The following DNAAF9 variants were observed in gnomAD, a reference collection of about 807,000 sequenced individuals.
DNAAF9 encodes shulin.
In DNAAF9, 90 loss-of-function variants were observed where a neutral mutation model predicts 167.0. The ratio of observed to expected loss-of-function variants is 0.54; its 90% CI spans 0.45 to 0.64. The LOEUF (loss-of-function observed/expected upper bound fraction) is 0.64. Among genes scored for constraint, DNAAF9 ranks in the 30% least tolerant of loss-of-function variants. DNAAF9 has a pLI of 0.00. For synonymous variants in DNAAF9, 491 were observed against 508.8 expected (o/e 0.96, Z 0.47); for missense variants, 1,315 against 1,442.2 (o/e 0.91, Z 1.43).
chr20:3,290,773 G>A (rs565219741), intron 25 of DNAAF9, among the ~76,000 whole-genome samples: 2 of 149,688 alleles, frequency 1.3e-5, no homozygotes, highest in South Asian at 2.1e-4. Flanking sequence ...CAAGTCACAC[G>A]GTCAGGGCTA....
At chr20:3,303,048 C>T (rs900276843) in intron 21 of DNAAF9, among the ~76,000 whole-genome samples, 4 of 152,078 alleles carry the variant, frequency 2.6e-5, no homozygotes, top group African/African-American at 9.7e-5. Flanking sequence ...ACTGTCCTGG[C>T]TAACATAGTG....
chr20:3,278,761 T>TATGGTA (rs1338756727), intron 29 of DNAAF9, 151 bp downstream of exon 29: 10 of 738,700 alleles, frequency 1.4e-5, no homozygotes, highest in African/African-American at 3.5e-5. Flanking sequence ...GCCTATCAAA[T>TATGGTA]ATGGTAAAAG....
chr20:3,330,921 A>T (rs2069816489), intron 11 of DNAAF9, among the ~76,000 whole-genome samples: 1 of 151,466 alleles, frequency 6.6e-6, no homozygotes, highest in Non-Finnish European at 1.5e-5. Context: ...CCTCCTGAGT[A>T]GCTGGGATTA....
At chr20:3,320,472 C>T (rs937054539) in intron 16 of DNAAF9, among the ~76,000 whole-genome samples, 4 of 152,196 alleles carry the variant, frequency 2.6e-5, no homozygotes, top group Non-Finnish European at 5.9e-5. Flanking sequence ...GATTCCTAAT[C>T]ACCTGCTACT....
At chr20:3,332,731 T>C (rs1310855310) in intron 10 of DNAAF9, among the ~76,000 whole-genome samples, 6 of 152,078 alleles carry the variant, frequency 3.9e-5, no homozygotes, top group Admixed American at 3.9e-4. Flanking sequence ...CCCAAAGTGC[T>C]GAGATTACAG....
chr20:3,399,882 G>A (rs897135014), intron 1 of DNAAF9, among the ~76,000 whole-genome samples: 4 of 152,062 alleles, frequency 2.6e-5, no homozygotes, highest in Admixed American at 6.6e-5. Flanking sequence ...TAAGCATCTC[G>A]CCAGCTGCCA....
At chr20:3,351,039 A>G (rs984524358) in intron 7 of DNAAF9, among the ~76,000 whole-genome samples, 1 of 152,200 alleles carries the variant, frequency 6.6e-6, no homozygotes, top group Non-Finnish European at 1.5e-5. Flanking sequence ...ATTAGACATT[A>G]TGTGCTTCTT....
intron 6 of DNAAF9, among the ~76,000 whole-genome samples, chr20:3,368,399 G>T (rs1039718332): frequency 5.9e-5 from 9 of 152,008 alleles, no homozygotes; most frequent in African/African-American, 1.7e-4. Flanking sequence ...GTTTTGGGGG[G>T]CTTTTGTTGG....
chr20:3,340,440 A>ACCC, intron 10 of DNAAF9, 64 bp downstream of exon 10: 3 of 124,214 alleles, frequency 2.4e-5, no homozygotes, highest in Admixed American at 1.0e-4. Context: ...AGCTCCCCCC[A>ACCC]CCCACCCCAC....
intron 7 of DNAAF9, among the ~76,000 whole-genome samples, chr20:3,349,205 A>AAAAAAAAAAAAAAAC (rs2070261303): frequency 3.4e-5 from 2 of 59,220 alleles, no homozygotes; most frequent in African/African-American, 1.5e-4. Context: ...AAAAAAAAAC[A>AAAAAAAAAAAAAAAC]AAAAAAAAAA....
chr20:3,332,444 T>A (rs2069847908), intron 10 of DNAAF9, 83 bp from the exon 11 acceptor site: 1 of 697,422 alleles, frequency 1.4e-6, no homozygotes, highest in Admixed American at 2.6e-5. Context: ...ATAGAGTCAA[T>A]GGAAATAAAT....
chr20:3,298,166 T>C lies in DNAAF9; in HGVS notation c.1792A>G (p.Ser598Gly). The C allele has an allele frequency of 6.2e-7, 1 of 1,613,266 alleles. No homozygotes were observed. Among genetic ancestry groups the C allele is most frequent in the Non-Finnish European group, 8.5e-7 (1 of 1,179,658 alleles). The change falls in exon 22 of 37, where the codon AGT becomes GGT. Residue 598 changes from serine (S) to glycine (G), a missense_variant. Around this residue, in one of 2 missense-constraint regions of DNAAF9, gnomAD observed 981 missense variants for 1,012.5 expected, o/e 0.97. Transcript: ENST00000252032. ...TCTATGAGAAGAGCAGCAACAGTAC[T>C]GGTGGAATCCTAAAGCGAAAAGGAG... ...SISFYDGDSTSTVAALLIDFK... is the reference protein window; with the variant it reads ...SISFYDGDSTGTVAALLIDFK...
chr20:3,332,211 C>A (rs2069842281), intron 11 of DNAAF9, 69 bp downstream of exon 11: 1 of 843,060 alleles, frequency 1.2e-6, no homozygotes, highest in South Asian at 1.5e-5. Context: ...AATTGTATGT[C>A]AACTTCTAGT....
chr20:3,336,252 G>GTTATTTTTTTTTTTTTT (rs2069940627), intron 10 of DNAAF9, among the ~76,000 whole-genome samples: 1 of 81,444 alleles, frequency 1.2e-5, no homozygotes, highest in African/African-American at 5.1e-5. Context: ...ACAGTTTTGC[G>GTTATTTTTTTTTTTTTT]TTTTTGTTTT....
At chr20:3,384,653 C>A (rs2083708761) in intron 1 of DNAAF9, among the ~76,000 whole-genome samples, 1 of 151,690 alleles carries the variant, frequency 6.6e-6, no homozygotes, top group East Asian at 1.9e-4. Flanking sequence ...GGATTACAGG[C>A]ATGCACTACC....
chr20:3,383,521 T>C (rs2083692323), intron 1 of DNAAF9, among the ~76,000 whole-genome samples: 1 of 151,772 alleles, frequency 6.6e-6, no homozygotes, highest in South Asian at 2.1e-4. Context: ...GTCCGCCTCA[T>C]GCCTTACAGG....
chr20:3,270,808 CTATCT>C (rs1440823222), intron 29 of DNAAF9, among the ~76,000 whole-genome samples: 1 of 137,090 alleles, frequency 7.3e-6, no homozygotes, highest in Non-Finnish European at 1.5e-5. Context: ...CTAACTTCCT[CTATCT>C]TTTTTTTTTT....
Position 3,381,405 on chromosome 20 carries a change from G to A in DNAAF9, c.257C>T (p.Thr86Met), listed in dbSNP as rs8124486. ...YNQNTSDFEK[T>M]GFSEEVLDDV... ...ATCTAGTACTTCTTCAGAAAATCCC[G>A]TTTTCTCAAAATCACTGGTATTCTG... The change falls in exon 3 of 37, where the codon ACG becomes ATG. Residue 86 changes from threonine (T) to methionine (M), a missense_variant. Coordinates refer to ENST00000252032, the MANE Select transcript of DNAAF9 (RefSeq NM_001009984.3). The A allele has an allele frequency of 6.8e-6, 11 of 1,610,938 alleles. No individual in the cohort carries two copies. Among genetic ancestry groups the A allele is most frequent in the South Asian group, 1.1e-5 (1 of 91,006 alleles).
intron 1 of DNAAF9, among the ~76,000 whole-genome samples, chr20:3,393,941 T>C (rs181158108): frequency 6.6e-6 from 1 of 152,352 alleles, no homozygotes; most frequent in Admixed American, 6.5e-5. Flanking sequence ...TTATTGATTA[T>C]CTACATTTCT....
Sources: allele counts gnomAD v4.1 joint callset (sites outside exome capture counted in the v4.1 genomes callset), GRCh38; gene constraint gnomAD v4.1.1; regional missense constraint gnomAD v4.1.1; transcripts MANE v1.5; gene names NCBI Gene and HGNC (gene_info 2026-07-23, HGNC 2026-07-21).